Variants in ARMC2 observed in about 807,000 individuals in gnomAD.
ARMC2 encodes the protein armadillo repeat-containing protein 2.
Under a neutral mutation model 90.3 loss-of-function variants are expected in ARMC2, and 67 were observed. That is an observed-to-expected ratio of 0.74 (90% CI 0.61 to 0.91). ARMC2 has a LOEUF of 0.91. Ranked by LOEUF, ARMC2 falls within the 40% of genes least tolerant of loss-of-function variation. ARMC2 has a pLI of 0.00. For synonymous variants in ARMC2, 393 were observed against 393.0 expected (o/e 1.00, Z 0.00); for missense variants, 920 against 1,030.9 (o/e 0.89, Z 1.47).
chr6:108,892,398 T>C (rs1562359402), intron 5 of ARMC2, among the ~76,000 whole-genome samples: 1 of 152,104 alleles, frequency 6.6e-6, no homozygotes, highest in Non-Finnish European at 1.5e-5. Flanking sequence ...AATTAGACAA[T>C]TTTTGGAAAA....
chr6:108,932,516 CTTTTTTTTTTTTTTT>C (rs60000198), intron 11 of ARMC2, among the ~76,000 whole-genome samples: 1 of 77,894 alleles, frequency 1.3e-5, no homozygotes, highest in African/African-American at 5.9e-5. Context: ...TTCTCCATTG[CTTTTTTTTTTTTTTT>C]TTTTTTTTTT....
chr6:108,865,199 T>G lies in ARMC2; in HGVS notation c.292-3625T>G, dbSNP rs190433422. 2.1e-3 allele frequency among the ~76,000 whole-genome samples: 326 copies of G among 152,112 alleles called. 1 individual carries two copies. The highest frequency in any genetic ancestry group is 6.4e-3 in the Admixed American group (98 of 15,282). Reference sequence around the variant, plus strand: ...GGTTTCATCATGTTGGCTAGGCTGGTCTTGAACTCCTGACCTCAGGTGATC... The same window carrying G: ...GGTTTCATCATGTTGGCTAGGCTGGGCTTGAACTCCTGACCTCAGGTGATC... On this transcript the variant is annotated intron_variant, in intron 3 of 17. Coordinates refer to ENST00000392644, the MANE Select transcript of ARMC2 (RefSeq NM_032131.6).
At chr6:108,876,052 TA>T (rs1372262574) in intron 4 of ARMC2, 90 bp from the exon 5 acceptor site, 5 of 1,131,090 alleles carry the variant, frequency 4.4e-6, no homozygotes, top group Non-Finnish European at 5.1e-6. Context: ...TTTTAAATCA[TA>T]TAAATTCTTA....
intron 5 of ARMC2, among the ~76,000 whole-genome samples, chr6:108,887,532 G>A (rs1243740137): frequency 6.6e-6 from 1 of 152,212 alleles, no homozygotes; most frequent in Non-Finnish European, 1.5e-5. Flanking sequence ...GCAGAGCTGA[G>A]AGAATCGCAG....
At chr6:108,853,337 A>C (rs949946929) in intron 1 of ARMC2, among the ~76,000 whole-genome samples, 1 of 152,204 alleles carries the variant, frequency 6.6e-6, no homozygotes, top group Non-Finnish European at 1.5e-5. Flanking sequence ...TACTTATAGA[A>C]ATGGAATCTT....
chr6:108,994,457 C>T, the ARMC2 span: 1 of 1,608,102 alleles, frequency 6.2e-7, no homozygotes, highest in Non-Finnish European at 8.5e-7. Context: ...AATGGTTGTT[C>T]TTACCTGAAG....
the ARMC2 span, among the ~76,000 whole-genome samples, chr6:109,048,758 C>T: frequency 1.3e-5 from 2 of 152,180 alleles, no homozygotes; most frequent in Non-Finnish European, 2.9e-5. Flanking sequence ...ATCTCTTCCT[C>T]ATCCCTGCCT....
chr6:108,868,979 C>T lies in ARMC2; in HGVS notation c.447C>T (p.Ser149=). ...AGCGGGCCCTTCTGCCGGACAGATC[C>T]CTTCCTCCCTCCGACTGTAAGGCCA... is the stretch of plus-strand genomic sequence containing the variant. ...ASQRALLPDR[S]LPPSDSKKTV... The change falls in exon 4 of 18, where the codon TCC becomes TCT. Residue 149 remains serine (S), a synonymous_variant. Coordinates refer to ENST00000392644, the MANE Select transcript of ARMC2 (RefSeq NM_032131.6). 7 of 1,612,666 alleles carry T rather than the reference C, an allele frequency of 4.3e-6. No individual in the cohort carries two copies. The highest frequency in any genetic ancestry group is 5.9e-6 in the Non-Finnish European group (7 of 1,179,342).
the ARMC2 span, among the ~76,000 whole-genome samples, chr6:109,047,806 T>C: frequency 6.9e-6 from 1 of 144,972 alleles, no homozygotes; most frequent in African/African-American, 2.5e-5. Flanking sequence ...CCCAACCCTG[T>C]GCTCTCTGAA....
At chr6:109,014,802 C>A in the ARMC2 span, among the ~76,000 whole-genome samples, 2 of 152,160 alleles carry the variant, frequency 1.3e-5, no homozygotes, top group African/African-American at 4.8e-5. Flanking sequence ...TCTACCCAAC[C>A]TCCTACATGT....
Position 108,859,796 on chromosome 6 carries a change from G to A in ARMC2, c.291+1525G>A, listed in dbSNP as rs148577506. Among the ~76,000 whole-genome samples the A allele has an allele frequency of 4.8e-4, 73 of 152,180 alleles. 1 individual carries two copies. In the East Asian group the frequency reaches 0.014, roughly 29 times the overall value. On this transcript the variant is annotated intron_variant, in intron 3 of 17. Transcript: ENST00000392644. The stretch of plus-strand genomic sequence containing the variant: ...CAGGCAGGCAGATCACCTGGGGTCC[G>A]GAGTTCGAGACCATCCTGACCAACA...
At chr6:109,044,914 T>C in the ARMC2 span, among the ~76,000 whole-genome samples, 2 of 152,016 alleles carry the variant, frequency 1.3e-5, no homozygotes, top group Non-Finnish European at 2.9e-5. Flanking sequence ...TCTCAGCTAC[T>C]TGGGCAGCTG....
chr6:108,971,799 T>TA (rs1206260426), intron 17 of ARMC2, among the ~76,000 whole-genome samples: 4 of 151,846 alleles, frequency 2.6e-5, no homozygotes, highest in Admixed American at 2.6e-4. Context: ...CACATGCCTG[T>TA]AATCCCAGCT....
Position 108,948,310 on chromosome 6 carries a change from G to A in ARMC2, c.1597-4723G>A, listed in dbSNP as rs114754619. ...CAGCCTTCTTCAGGATTCCAGATGA[G>A]TCAAGACAAGCCCTGGCATGGAGAT... is the stretch of plus-strand genomic sequence containing the variant. On this transcript the variant is annotated intron_variant, in intron 12 of 17. Coordinates refer to ENST00000392644, the MANE Select transcript of ARMC2 (RefSeq NM_032131.6). 9.1e-4 allele frequency among the ~76,000 whole-genome samples: 138 copies of A among 152,134 alleles called. 2 individuals are homozygous for A. Among genetic ancestry groups the A allele is most frequent in the African/African-American group, 3.3e-3 (136 of 41,498 alleles).
intron 1 of ARMC2, among the ~76,000 whole-genome samples, 195 bp from the exon 2 acceptor site, chr6:108,854,030 C>T (rs2128414338): frequency 1.3e-5 from 2 of 152,124 alleles, no homozygotes; most frequent in South Asian, 4.1e-4. Flanking sequence ...TCTTTGTCCT[C>T]AGTTGTATAT....
the ARMC2 span, among the ~76,000 whole-genome samples, chr6:109,010,843 C>G: frequency 6.6e-6 from 1 of 152,186 alleles, no homozygotes; most frequent in African/African-American, 2.4e-5. Flanking sequence ...CAAATGCCCA[C>G]TCAGCCGTAA....
chr6:108,992,485 GTTA>G, the ARMC2 span, among the ~76,000 whole-genome samples: 1 of 152,066 alleles, frequency 6.6e-6, no homozygotes, highest in African/African-American at 2.4e-5. Context: ...TGGTAAAATA[GTTA>G]TTATTTAACA....
At chr6:108,885,877 C>T (rs1778047273) in intron 5 of ARMC2, among the ~76,000 whole-genome samples, 1 of 152,126 alleles carries the variant, frequency 6.6e-6, no homozygotes, top group Admixed American at 6.5e-5. Context: ...AAATCCAGCC[C>T]ATTGCCTGTT....
At chr6:108,858,487 TAAAG>T (rs1265175167) in intron 3 of ARMC2, among the ~76,000 whole-genome samples, 2 of 151,968 alleles carry the variant, frequency 1.3e-5, no homozygotes, top group East Asian at 1.9e-4. Context: ...AGTTTGATAA[TAAAG>T]AAGAATTTTT....
Sources: allele counts gnomAD v4.1 joint callset (sites outside exome capture counted in the v4.1 genomes callset), GRCh38; gene constraint gnomAD v4.1.1; transcripts MANE v1.5; gene names NCBI Gene and HGNC (gene_info 2026-07-23, HGNC 2026-07-21).